BTF3L4: variants seen among roughly 807,000 people sequenced by gnomAD.
BTF3L4 encodes transcription factor BTF3 homolog 4.
A neutral mutation model predicts 16.8 loss-of-function variants in BTF3L4; 6 were observed. The ratio of observed to expected loss-of-function variants is 0.36; its 90% confidence interval spans 0.20 to 0.71. BTF3L4 has a LOEUF of 0.71. Ranked by LOEUF, BTF3L4 falls within the 30% of genes least tolerant of loss-of-function variation. The pLI, the probability that BTF3L4 is intolerant of heterozygous loss-of-function variation, is 0.58. For synonymous variants in BTF3L4, 39 were observed against 59.8 expected (o/e 0.65, Z 1.60); for missense variants, 92 against 186.9 (o/e 0.49, Z 2.96).
chr1:52,079,857 TTTTTC>T lies in BTF3L4; in HGVS notation c.169-3468_169-3464del, dbSNP rs200948171. On this transcript the variant is annotated intron_variant, in intron 3 of 5. Coordinates refer to ENST00000313334, the MANE Select transcript of BTF3L4 (RefSeq NM_152265.5). ...GCTCTCATGAGGCCATGGAATTTTC[TTTTTC>T]TTTTCTTTTCTTTTTTTTTTTTTTT... Among the ~76,000 whole-genome samples, 1,289 of 137,632 alleles carry T rather than the reference TTTTTC, an allele frequency of 9.4e-3. 428 individuals are homozygous for T. Among genetic ancestry groups the T allele is most frequent in the Middle Eastern group, 0.019 (5 of 266 alleles). The allele number at this position is 137,632 out of a possible 152,430, so 90.3% of individuals were successfully genotyped here.
Position 52,087,885 on chromosome 1 carries a change from C to T in BTF3L4, c.*1127C>T, listed in dbSNP as rs1256884303. Reference sequence around the variant, plus strand: ...TCCTCAACCACTCTCCTACTCTTGGCCTTGAACCTACCTCTGGGTTGGATC... The same window carrying T: ...TCCTCAACCACTCTCCTACTCTTGGTCTTGAACCTACCTCTGGGTTGGATC... On this transcript the variant is annotated 3_prime_UTR_variant, in exon 6 of 6. Coordinates refer to ENST00000313334, the MANE Select transcript of BTF3L4 (RefSeq NM_152265.5). 2.0e-5 allele frequency: 3 copies of T among 152,568 alleles called. No homozygotes were observed. Among genetic ancestry groups the T allele is most frequent in the Admixed American group, 6.6e-5 (1 of 15,264 alleles). 9.5% of individuals were successfully genotyped at this position (152,568 alleles called of 1,614,324 possible).
chr1:52,072,157 C>T (rs540075968), intron 3 of BTF3L4, among the ~76,000 whole-genome samples: 2 of 151,696 alleles, frequency 1.3e-5, no homozygotes, highest in Non-Finnish European at 2.9e-5. Context: ...TGTGTTCACA[C>T]CATTCTCCTG....
chr1:52,084,614 A>C (rs1461725666), intron 4 of BTF3L4, among the ~76,000 whole-genome samples: 1 of 151,988 alleles, frequency 6.6e-6, no homozygotes, highest in African/African-American at 2.4e-5. Context: ...CAACATGGTG[A>C]GACCCTATCT....
At chr1:52,083,263 G>T (rs1056700745) in intron 3 of BTF3L4, 77 bp from the exon 4 acceptor site, 4 of 1,232,844 alleles carry the variant, frequency 3.2e-6, no homozygotes, top group Non-Finnish European at 3.5e-6. Flanking sequence ...ACCATAATTG[G>T]CTGAATTGCT....
intron 4 of BTF3L4, among the ~76,000 whole-genome samples, chr1:52,085,359 G>T (rs1426550784): frequency 9.6e-5 from 14 of 145,514 alleles, no homozygotes; most frequent in Non-Finnish European, 1.3e-4. Flanking sequence ...GGTTTTTTTT[G>T]TTTGTTTGTT....
At chr1:52,063,138 C>T (rs2124416970) in intron 2 of BTF3L4, among the ~76,000 whole-genome samples, 1 of 152,170 alleles carries the variant, frequency 6.6e-6, no homozygotes, top group East Asian at 1.9e-4. Context: ...TTGGAATTGA[C>T]ACGATTTAGT....
chr1:52,074,209 T>A (rs1572027604), intron 3 of BTF3L4, among the ~76,000 whole-genome samples: 1 of 151,946 alleles, frequency 6.6e-6, no homozygotes, highest in East Asian at 1.9e-4. Flanking sequence ...GTTTGTTTTT[T>A]GTTTTTTGAG....
rs552710185 is a variant in BTF3L4, at chr1:52,072,367, T to C, written c.168+7429T>C. Among the ~76,000 whole-genome samples the C allele has an allele frequency of 5.9e-5, 9 of 152,254 alleles. No individual in the cohort carries two copies. In the South Asian group the frequency reaches 1.9e-3, roughly 32 times the overall value. On this transcript the variant is annotated intron_variant, in intron 3 of 5. Transcript: ENST00000313334. ...GCGCCTGGCCAGCTGTTTTTAACTA[T>C]ACAATTCATTGGCATACATCACAAT...
intron 2 of BTF3L4, among the ~76,000 whole-genome samples, chr1:52,063,668 T>A (rs1323364412): frequency 6.6e-6 from 1 of 152,202 alleles, no homozygotes; most frequent in African/African-American, 2.4e-5. Context: ...AAAAATGTAT[T>A]TAGAGTTTCA....
chr1:52,059,215 T>C (rs1686450340), intron 1 of BTF3L4, among the ~76,000 whole-genome samples: 1 of 152,094 alleles, frequency 6.6e-6, no homozygotes, highest in African/African-American at 2.4e-5. Flanking sequence ...CTCTGGAGAG[T>C]GCTGCAGAAG....
At chr1:52,060,942 C>T (rs370578464) in intron 2 of BTF3L4, among the ~76,000 whole-genome samples, 1 of 152,200 alleles carries the variant, frequency 6.6e-6, no homozygotes, top group African/African-American at 2.4e-5. Flanking sequence ...TGTACCACAT[C>T]GCCATTGTGT....
At position 52,089,417 on chromosome 1, in the gene BTF3L4, C is replaced by T. The variant is rs1044304543; in HGVS notation, c.*2659C>T. Reference sequence around the variant, plus strand: ...CTCAAAGAAATCCTCTCCACAAAGACATGTTCCTCCCTCTGGTGTGGGTAG... The same window carrying T: ...CTCAAAGAAATCCTCTCCACAAAGATATGTTCCTCCCTCTGGTGTGGGTAG... On this transcript the variant is annotated 3_prime_UTR_variant, in exon 6 of 6. Transcript: ENST00000313334. 3.9e-5 allele frequency: 6 copies of T among 152,154 alleles called. No homozygotes were observed. The highest frequency in any genetic ancestry group is 6.6e-5 in the Admixed American group (1 of 15,264). The allele number at this position is 152,154 out of a possible 1,614,324, so 9.4% of individuals were successfully genotyped here. A position where few individuals can be genotyped will look rare whatever the true frequency, so the allele number is the denominator to read the frequency against.
At chr1:52,081,022 T>A (rs1367090683) in intron 3 of BTF3L4, among the ~76,000 whole-genome samples, 1 of 151,316 alleles carries the variant, frequency 6.6e-6, no homozygotes, top group African/African-American at 2.4e-5. Flanking sequence ...GTATTTTTAG[T>A]AGAGAAAGGG....
intron 4 of BTF3L4, 31 bp from the exon 5 acceptor site, chr1:52,086,081 A>C (rs747687823): frequency 8.0e-6 from 12 of 1,491,246 alleles, no homozygotes; most frequent in Admixed American, 3.7e-5. Flanking sequence ...CTTTGTTCTC[A>C]ATGACTAATA....
intron 3 of BTF3L4, among the ~76,000 whole-genome samples, chr1:52,073,343 T>A (rs1686841398): frequency 6.6e-6 from 1 of 152,000 alleles, no homozygotes. Flanking sequence ...CTGTAGGAAA[T>A]CAGGAATATA....
At chr1:52,083,690 G>A (rs1643944505) in intron 4 of BTF3L4, 149 bp downstream of exon 4, 4 of 686,380 alleles carry the variant, frequency 5.8e-6, no homozygotes, top group African/African-American at 5.5e-5. Flanking sequence ...AAAATTTTGA[G>A]TTTGTTTAAT....
chr1:52,081,985 A>G (rs17107036), intron 3 of BTF3L4, among the ~76,000 whole-genome samples: 11,126 of 152,226 alleles, frequency 0.073, 505 homozygotes, highest in African/African-American at 0.13. Context: ...CTCAGCATCT[A>G]TGCTTGATTT....
chr1:52,083,177 T>A (rs554880992), intron 3 of BTF3L4, among the ~76,000 whole-genome samples, 163 bp from the exon 4 acceptor site: 5 of 152,368 alleles, frequency 3.3e-5, no homozygotes, highest in South Asian at 2.1e-4. Flanking sequence ...TTTACTTTAT[T>A]ACTATGATCT....
chr1:52,074,409 G>A (rs1411629086), intron 3 of BTF3L4, among the ~76,000 whole-genome samples: 1 of 151,576 alleles, frequency 6.6e-6, no homozygotes, highest in Non-Finnish European at 1.5e-5. Context: ...TATTGCCTAG[G>A]CTGGAGTGCG....
Sources: gnomAD v4.1 joint callset for allele counts (sites outside exome capture counted in the v4.1 genomes callset) on GRCh38, gnomAD v4.1.1 for gene constraint, MANE v1.5 for transcripts, NCBI Gene and HGNC (gene_info 2026-07-23, HGNC 2026-07-21) for gene names.